Variants in GALNT13 observed in about 807,000 individuals in gnomAD.
GALNT13 encodes polypeptide N-acetylgalactosaminyltransferase 13.
Under a neutral mutation model 64.2 loss-of-function variants are expected in GALNT13, and 28 were observed. The observed-to-expected ratio is 0.44, with a 90% CI of 0.32 to 0.60. The LOEUF is 0.60. GALNT13 is among the 20% of genes least tolerant of loss of function. The probability of loss-of-function intolerance (pLI) is 0.05; values close to 1 mark genes in which losing one functional copy is unlikely to be tolerated. For synonymous variants in GALNT13, 214 were observed against 224.6 expected (o/e 0.95, Z 0.42); for missense variants, 577 against 669.8 (o/e 0.86, Z 1.53).
chr2:153,901,611 ATTG>A (rs1321830615), intron 2 of GALNT13, among the ~76,000 whole-genome samples: 1 of 151,984 alleles, frequency 6.6e-6, no homozygotes, highest in Non-Finnish European at 1.5e-5. Context: ...CAGGCTAGAA[ATTG>A]TTGTTGTAGA....
chr2:153,454,638 A>G, the GALNT13 span, among the ~76,000 whole-genome samples: 1 of 152,228 alleles, frequency 6.6e-6, no homozygotes, highest in African/African-American at 2.4e-5. Context: ...CAAGAAAGAA[A>G]GAAACCTGGG....
the GALNT13 span, among the ~76,000 whole-genome samples, chr2:153,404,776 G>A: frequency 1.3e-5 from 2 of 152,184 alleles, no homozygotes; most frequent in South Asian, 2.1e-4. Context: ...ATATTTGAAA[G>A]TAAATTCAGT....
chr2:153,279,022 A>G, the GALNT13 span, among the ~76,000 whole-genome samples: 1 of 152,084 alleles, frequency 6.6e-6, no homozygotes, highest in Non-Finnish European at 1.5e-5. Context: ...TGAGTCATTT[A>G]TGATTTCTTT....
At chr2:153,848,947 C>T in the GALNT13 span, among the ~76,000 whole-genome samples, 15,648 of 148,892 alleles carry the variant, frequency 0.11, 1,010 homozygotes, top group African/African-American at 0.17. Flanking sequence ...TTTTATAATA[C>T]AGCAAAATCT....
the GALNT13 span, among the ~76,000 whole-genome samples, chr2:153,690,220 C>T: frequency 4.8e-4 from 73 of 152,200 alleles, no homozygotes; most frequent in African/African-American, 1.8e-3. Flanking sequence ...TATTCTGTGC[C>T]TTTCAATTGT....
the GALNT13 span, among the ~76,000 whole-genome samples, chr2:153,268,352 A>G: frequency 1.3e-5 from 2 of 152,176 alleles, no homozygotes; most frequent in Admixed American, 1.3e-4. Flanking sequence ...TTCCAAAATG[A>G]TCACCTGTGA....
intron 3 of GALNT13, among the ~76,000 whole-genome samples, chr2:153,972,866 G>A (rs1693834834): frequency 6.6e-6 from 1 of 151,948 alleles, no homozygotes. Context: ...GATAGAATTT[G>A]TGTTATGTAA....
the GALNT13 span, among the ~76,000 whole-genome samples, chr2:153,625,762 A>G: frequency 1.3e-5 from 2 of 152,054 alleles, no homozygotes; most frequent in African/African-American, 2.4e-5. Flanking sequence ...TGCCATAAGA[A>G]CAAAATACCC....
At chr2:153,494,643 A>C in the GALNT13 span, among the ~76,000 whole-genome samples, 1 of 152,072 alleles carries the variant, frequency 6.6e-6, no homozygotes, top group Non-Finnish European at 1.5e-5. Flanking sequence ...AAAAAAGTAA[A>C]ATTATAATAT....
intron 4 of GALNT13, among the ~76,000 whole-genome samples, chr2:154,205,585 C>A (rs1045457880): frequency 6.6e-6 from 1 of 152,106 alleles, no homozygotes; most frequent in Non-Finnish European, 1.5e-5. Flanking sequence ...GGACAACTTA[C>A]AAAAGAAAGA....
At chr2:153,391,341 C>T in the GALNT13 span, among the ~76,000 whole-genome samples, 138 of 152,122 alleles carry the variant, frequency 9.1e-4, 2 homozygotes, top group East Asian at 0.022. Flanking sequence ...GATGGTGGCT[C>T]ATTCCACACT....
chr2:153,488,362 A>AG, the GALNT13 span, among the ~76,000 whole-genome samples: 1 of 152,182 alleles, frequency 6.6e-6, no homozygotes, highest in Non-Finnish European at 1.5e-5. Context: ...AGTCCTTGCT[A>AG]GGGTGTTCTT....
chr2:154,284,520 T>TACACACACACACAG (rs1692147109), intron 8 of GALNT13, among the ~76,000 whole-genome samples: 1 of 145,754 alleles, frequency 6.9e-6, no homozygotes, highest in Non-Finnish European at 1.5e-5. Context: ...TACATATAGC[T>TACACACACACACAG]ACACACACAC....
chr2:153,080,516 T>C, the GALNT13 span, among the ~76,000 whole-genome samples: 1 of 152,156 alleles, frequency 6.6e-6, no homozygotes, highest in Admixed American at 6.5e-5. Context: ...TTAGTTCTAA[T>C]TTTGGTATTG....
the GALNT13 span, among the ~76,000 whole-genome samples, chr2:153,320,586 C>T: frequency 6.6e-6 from 1 of 152,156 alleles, no homozygotes; most frequent in Non-Finnish European, 1.5e-5. Flanking sequence ...TGCTTATGGA[C>T]TAATTCTGAA....
At position 153,884,038 on chromosome 2, in the gene GALNT13, G is replaced by A. The variant is rs745820818; in HGVS notation, c.-177+11735G>A. ...GTATGGGGACTGGAGAGAGTTGAAG[G>A]AAAGGTTAGGGATTGGAATAGTAGC... On this transcript the variant is annotated intron_variant, in intron 1 of 12. Transcript: ENST00000392825. Among the ~76,000 whole-genome samples the A allele has an allele frequency of 6.6e-5, 10 of 152,054 alleles. No homozygotes were observed. In the South Asian group the frequency reaches 2.1e-3, roughly 32 times the overall value.
the GALNT13 span, among the ~76,000 whole-genome samples, chr2:153,857,771 C>G: frequency 1.3e-5 from 2 of 152,094 alleles, no homozygotes; most frequent in Non-Finnish European, 2.9e-5. Context: ...TGTTTAAATA[C>G]AGGATTTTAA....
At chr2:153,216,917 A>T in the GALNT13 span, among the ~76,000 whole-genome samples, 1 of 151,988 alleles carries the variant, frequency 6.6e-6, no homozygotes, top group South Asian at 2.1e-4. Context: ...TTCTTATAGA[A>T]ATCTTATAGT....
chr2:154,117,978 G>C lies in GALNT13; in HGVS notation c.143-22359G>C, dbSNP rs1681697684. ...TTCCCTGCAGTCTTTAGAAGAATTTGTATTCTGTTGTTATCTGTTGGTTGG... is the reference window on the plus strand; with the variant it reads ...TTCCCTGCAGTCTTTAGAAGAATTTCTATTCTGTTGTTATCTGTTGGTTGG... On this transcript the variant is annotated intron_variant, in intron 3 of 12. Coordinates refer to ENST00000392825, the MANE Select transcript of GALNT13 (RefSeq NM_052917.4). 3.9e-5 allele frequency among the ~76,000 whole-genome samples: 6 copies of C among 152,262 alleles called. No homozygotes were observed. In the South Asian group the frequency reaches 1.2e-3, roughly 32 times the overall value.
Sources: allele counts gnomAD v4.1 joint callset (sites outside exome capture counted in the v4.1 genomes callset), GRCh38; gene constraint gnomAD v4.1.1; transcripts MANE v1.5; gene names NCBI Gene and HGNC (gene_info 2026-07-23, HGNC 2026-07-21).